Variants in ARHGEF4 observed in about 807,000 individuals in gnomAD.
ARHGEF4 encodes the protein Rho guanine nucleotide exchange factor 4.
ARHGEF4 carries 119 observed loss-of-function variants against 162.0 expected under a neutral mutation model. That is an observed-to-expected ratio of 0.73 (90% CI 0.63 to 0.86). The LOEUF is 0.86. Among genes scored for constraint, ARHGEF4 ranks in the 40% least tolerant of loss-of-function variants. The pLI is 0.00. For missense variants in ARHGEF4, 2,488 were observed against 2,456.0 expected, an observed-to-expected ratio of 1.01 and a Z score of -0.28; for synonymous variants, 1,014 against 979.9, an observed-to-expected ratio of 1.03 and a Z score of -0.65.
intron 2 of ARHGEF4, 81 bp from the exon 3 acceptor site, chr2:130,930,871 C>T: frequency 7.2e-7 from 1 of 1,380,334 alleles, no homozygotes; most frequent in Non-Finnish European, 9.8e-7. Flanking sequence ...CCAAAAGGAA[C>T]TAGGCAGAGG....
chr2:130,924,850 G>A (rs1432359843), intron 2 of ARHGEF4, among the ~76,000 whole-genome samples: 3 of 152,106 alleles, frequency 2.0e-5, no homozygotes, highest in African/African-American at 7.2e-5. Flanking sequence ...GTGAGCCTTG[G>A]GTTAAGACCA....
chr2:130,988,895 T>TAGAGAGAG (rs1259444648), intron 4 of ARHGEF4, among the ~76,000 whole-genome samples: 178 of 109,054 alleles, frequency 1.6e-3, no homozygotes, highest in Middle Eastern at 4.6e-3. Flanking sequence ...TATATATATA[T>TAGAGAGAG]ATATATAGAG....
At chr2:130,939,229 A>G (rs1466859738) in intron 3 of ARHGEF4, among the ~76,000 whole-genome samples, 1 of 152,240 alleles carries the variant, frequency 6.6e-6, no homozygotes, top group African/African-American at 2.4e-5. Context: ...TGCAAAAGGA[A>G]ATGATCTCAT....
chr2:130,898,011 A>G (rs1053349587), intron 1 of ARHGEF4, among the ~76,000 whole-genome samples: 2 of 152,122 alleles, frequency 1.3e-5, no homozygotes, highest in African/African-American at 4.8e-5. Context: ...GCCAGAAGAA[A>G]TTTACAAGTA....
chr2:130,868,221 G>A (rs1002126680), intron 1 of ARHGEF4, among the ~76,000 whole-genome samples: 47 of 152,016 alleles, frequency 3.1e-4, no homozygotes, highest in Non-Finnish European at 1.3e-4. Flanking sequence ...CACCACACCC[G>A]GCCAAGGGTG....
chr2:130,984,679 G>A lies in ARHGEF4; in HGVS notation c.3985+38044G>A, dbSNP rs1009640385. On this transcript the variant is annotated intron_variant, in intron 4 of 13. Transcript: ENST00000409359. ...ACTCCAGCCTAGTTGACAGAGCAAGGCTCTGTCTTAAAAAAAAAAAAAAAA... is the reference window on the plus strand; with the variant it reads ...ACTCCAGCCTAGTTGACAGAGCAAGACTCTGTCTTAAAAAAAAAAAAAAAA... Among the ~76,000 whole-genome samples the A allele has an allele frequency of 1.6e-5, 2 of 127,022 alleles. 1 individual carries two copies. The highest frequency in any genetic ancestry group is 6.1e-5 in the African/African-American group (2 of 32,990). 83.3% of individuals were successfully genotyped at this position (127,022 alleles called of 152,430 possible).
intron 2 of ARHGEF4, among the ~76,000 whole-genome samples, chr2:130,923,980 A>G (rs1349394437): frequency 6.7e-6 from 1 of 148,828 alleles, no homozygotes; most frequent in Admixed American, 6.7e-5. Flanking sequence ...TCCCGGGTTC[A>G]TGCCATTCTC....
At chr2:130,917,705 G>A (rs1294791926) in intron 2 of ARHGEF4, among the ~76,000 whole-genome samples, 1 of 151,870 alleles carries the variant, frequency 6.6e-6, no homozygotes, top group East Asian at 1.9e-4. Flanking sequence ...AGCCAGAATT[G>A]GCATTTCATG....
At chr2:130,867,940 T>C (rs1363494639) in intron 1 of ARHGEF4, among the ~76,000 whole-genome samples, 1 of 146,814 alleles carries the variant, frequency 6.8e-6, no homozygotes, top group Non-Finnish European at 1.5e-5. Flanking sequence ...TTTTTTCTTT[T>C]TTTTTTTTTT....
Position 130,946,584 on chromosome 2 carries a change from G to T in ARHGEF4, c.3934G>T (p.Ala1312Ser). 1 of 1,614,054 alleles carries T rather than the reference G, an allele frequency of 6.2e-7. No homozygotes were observed. Among genetic ancestry groups the T allele is most frequent in the Non-Finnish European group, 8.5e-7 (1 of 1,179,964 alleles). The change falls in exon 4 of 14, where the codon GCT (alanine) becomes TCT (serine). Residue 1312 changes from alanine to serine, a missense_variant. Physicochemically the swap from Ala to Ser is moderately conservative, Grantham distance 99. Coordinates refer to ENST00000409359, the MANE Select transcript of ARHGEF4 (RefSeq NM_001367493.1). The part of the protein sequence containing the change: ...PRRSHPLSQS[A>S]PTGLNHMGWP... ...AAGAAGCCATCCACTCTCCCAGAGT[G>T]CTCCAACGGGACTGAACCACATGGG...
chr2:130,967,051 G>A (rs1428064083), intron 4 of ARHGEF4, among the ~76,000 whole-genome samples: 3 of 152,158 alleles, frequency 2.0e-5, no homozygotes, highest in Non-Finnish European at 4.4e-5. Context: ...GGGGCCTGTC[G>A]CTAAACATTT....
At chr2:130,928,883 A>G (rs1051616035) in intron 2 of ARHGEF4, among the ~76,000 whole-genome samples, 9 of 152,196 alleles carry the variant, frequency 5.9e-5, no homozygotes, top group Non-Finnish European at 1.3e-4. Context: ...GACCACCAGG[A>G]CAGCCTGAGC....
At chr2:130,888,155 T>A (rs890980802) in intron 1 of ARHGEF4, among the ~76,000 whole-genome samples, 2 of 152,150 alleles carry the variant, frequency 1.3e-5, no homozygotes, top group African/African-American at 2.4e-5. Context: ...TATTTTCTAT[T>A]TTTCTATCTT....
intron 4 of ARHGEF4, among the ~76,000 whole-genome samples, chr2:131,005,155 C>G (rs1411723748): frequency 2.6e-5 from 4 of 152,138 alleles, no homozygotes; most frequent in Non-Finnish European, 4.4e-5. Context: ...AGTTATGGGG[C>G]AAGAGAGGAA....
intron 1 of ARHGEF4, among the ~76,000 whole-genome samples, chr2:130,895,013 A>C (rs568402784): frequency 6.6e-6 from 1 of 152,292 alleles, no homozygotes; most frequent in Non-Finnish European, 1.5e-5. Flanking sequence ...ACATGTTCAC[A>C]ATTGCATAAC....
At chr2:130,946,959 C>T (rs779565687) in intron 4 of ARHGEF4, 7 of 231,184 alleles carry the variant, frequency 3.0e-5, no homozygotes, top group South Asian at 1.3e-4. Flanking sequence ...AGGCCGGGTG[C>T]GGTGGCTCAT....
chr2:130,869,773 C>T (rs904177377), intron 1 of ARHGEF4, among the ~76,000 whole-genome samples: 8 of 152,320 alleles, frequency 5.3e-5, no homozygotes, highest in East Asian at 3.9e-4. Flanking sequence ...AGCTAGGGAA[C>T]GGCCGCCTCT....
At position 130,915,836 on chromosome 2, in the gene ARHGEF4, C is replaced by T. The variant is rs1169457777; in HGVS notation, c.1890C>T (p.Ala630=). The change falls in exon 2 of 14, where the codon GCC becomes GCT. Residue 630 remains alanine (A), a synonymous_variant. Coordinates refer to ENST00000409359, the MANE Select transcript of ARHGEF4 (RefSeq NM_001367493.1). ...GCGAGGCCTCGAGGGGCAGGGGCGC[C>T]CTCATCATTGTAGCTGTGGAGCAGA... ...AGGEASRGRG[A]LIIVAVEQKG... 2.6e-6 allele frequency: 4 copies of T among 1,535,370 alleles called. No individual in the cohort carries two copies. Among genetic ancestry groups the T allele is most frequent in the Non-Finnish European group, 3.5e-6 (4 of 1,139,452 alleles).
At chr2:130,926,014 C>CTCTTTCTTCCTTTCTTTCTTTCTTTCTT (rs1553514613) in intron 2 of ARHGEF4, among the ~76,000 whole-genome samples, 48 of 97,268 alleles carry the variant, frequency 4.9e-4, no homozygotes, top group African/African-American at 1.9e-3. Flanking sequence ...TTGGTTTTCT[C>CTCTTTCTTCCTTTCTTTCTTTCTTTCTT]TCTTTCTTTC....
Sources: allele counts gnomAD v4.1 joint callset (sites outside exome capture counted in the v4.1 genomes callset), GRCh38; gene constraint gnomAD v4.1.1; transcripts MANE v1.5; gene names NCBI Gene and HGNC (gene_info 2026-07-23, HGNC 2026-07-21).